The following RBM4 variants were observed in gnomAD, a reference collection of about 807,000 sequenced individuals.
RBM4 encodes RNA binding motif protein 4.
RBM4 carries 7 observed loss-of-function variants against 29.5 expected under a neutral mutation model. That is an observed-to-expected ratio of 0.24 (90% CI 0.14 to 0.45). The LOEUF (loss-of-function observed/expected upper bound fraction) is 0.45, where lower values mean the gene tolerates loss of function less well. RBM4 is among the 20% of genes least tolerant of loss of function. The pLI is 1.00. For synonymous variants in RBM4, 220 were observed against 205.4 expected, an observed-to-expected ratio of 1.07 and a Z score of -0.61; for missense variants, 387 against 502.3, an observed-to-expected ratio of 0.77 and a Z score of 2.19.
chr11:66,660,766 G>T (rs1251596349), intron 2 of RBM4, among the ~76,000 whole-genome samples: 2 of 151,486 alleles, frequency 1.3e-5, no homozygotes, highest in African/African-American at 2.4e-5. Context: ...CCATTCTTCT[G>T]CCTCAGCCTC....
Position 66,646,358 on chromosome 11 carries a change from G to C in RBM4, c.*340G>C. 8.2e-7 allele frequency: 1 copy of C among 1,226,644 alleles called. No homozygotes were observed. Among genetic ancestry groups the C allele is most frequent in the South Asian group, 2.4e-5 (1 of 41,222 alleles). The allele number at this position is 1,226,644 out of a possible 1,614,324, so 76.0% of individuals were successfully genotyped here. On this transcript the variant is annotated 3_prime_UTR_variant, in exon 4 of 4. Transcript: ENST00000310092. ...TCCTGCGGCTGTTGGATTTGGGAAT[G>C]ACCTTGGTGAGAGTCTCACTGCTCC...
downstream of RBM4, among the ~76,000 whole-genome samples, chr11:66,648,699 G>A (rs963166651): frequency 6.6e-6 from 1 of 151,864 alleles, no homozygotes; most frequent in Non-Finnish European, 1.5e-5. Flanking sequence ...CTTAATTGTG[G>A]CTATTTGGGA....
At chr11:66,650,326 T>C (rs769298138), downstream of RBM4, among the ~76,000 whole-genome samples, 50 of 152,164 alleles carry the variant, frequency 3.3e-4, no homozygotes, top group Non-Finnish European at 6.3e-4. Flanking sequence ...TCCCAGCACT[T>C]TGGGAGGCCA....
chr11:66,645,647 T>A (rs976957753), intron 3 of RBM4, among the ~76,000 whole-genome samples: 12 of 152,192 alleles, frequency 7.9e-5, no homozygotes, highest in African/African-American at 2.7e-4. Flanking sequence ...TTAATTTTTT[T>A]TTTTTAAACC....
rs922247997 is a variant in RBM4, at chr11:66,646,115, T to C, written c.*97T>C. On this transcript the variant is annotated 3_prime_UTR_variant, in exon 4 of 4. Transcript: ENST00000310092. ...ACCCCATCTCCGGGACGTTCTCGGCTCTGTGCGTTCAGTCCCTCAGGAACC... is the reference window on the plus strand; with the variant it reads ...ACCCCATCTCCGGGACGTTCTCGGCCCTGTGCGTTCAGTCCCTCAGGAACC... 6 of 1,534,750 alleles carry C rather than the reference T, an allele frequency of 3.9e-6. No homozygotes were observed. In the African/African-American group the frequency reaches 8.2e-5, roughly 21 times the overall value.
At chr11:66,646,961 G>A (rs977804347), downstream of RBM4, among the ~76,000 whole-genome samples, 2 of 152,162 alleles carry the variant, frequency 1.3e-5, no homozygotes, top group Admixed American at 1.3e-4. Flanking sequence ...TATTTGTTTA[G>A]CTCTGCCAAA....
chr11:66,644,684 C>A, intron 3 of RBM4: 1 of 984,404 alleles, frequency 1.0e-6, no homozygotes, highest in Non-Finnish European at 1.2e-6. Flanking sequence ...AATCTTGAAG[C>A]GTATTTCTGA....
chr11:66,638,892 C>G (rs1026972950), intron 1 of RBM4, 140 bp downstream of exon 1: 1 of 152,364 alleles, frequency 6.6e-6, no homozygotes, highest in African/African-American at 2.4e-5. Context: ...CGGCATTGCG[C>G]GGTAAGCCGG....
chr11:66,644,079 G>A lies in RBM4; in HGVS notation c.1042G>A (p.Ala348Thr), dbSNP rs201500941. The change falls in exon 3 of 4, where the codon GCC (alanine) becomes ACC (threonine). Residue 348 changes from alanine to threonine, a missense_variant. By Grantham distance (58) the Ala-to-Thr change is moderately conservative. Coordinates refer to ENST00000310092, the MANE Select transcript of RBM4 (RefSeq NM_002896.4). Reference sequence around the variant, plus strand: ...CGCGCGGAATTCTCTGTACGACATGGCCCGGTATGAGCGGGAGCAGTATGC... The same window carrying A: ...CGCGCGGAATTCTCTGTACGACATGACCCGGTATGAGCGGGAGCAGTATGC... ...AAARNSLYDM[A>T]RYEREQYADR... The A allele has an allele frequency of 2.0e-5, 32 of 1,614,086 alleles. No homozygotes were observed. The highest frequency in any genetic ancestry group is 2.6e-5 in the Non-Finnish European group (31 of 1,180,024).
chr11:66,643,629 C>G lies in RBM4; in HGVS notation c.592C>G (p.Arg198Gly). 2 of 1,614,156 alleles carry G rather than the reference C, an allele frequency of 1.2e-6. No homozygotes were observed. The highest frequency in any genetic ancestry group is 1.1e-5 in the South Asian group (1 of 91,086). The change falls in exon 3 of 4, where the codon CGT becomes GGT. Residue 198 changes from arginine (R) to glycine (G), a missense_variant. By Grantham distance (125) the Arg-to-Gly change is moderately radical (BLOSUM62 -2). Coordinates refer to ENST00000310092, the MANE Select transcript of RBM4 (RefSeq NM_002896.4). The surrounding 1 kb of genome is among the most constrained non-coding windows in gnomAD (Gnocchi z 6.1). Reference sequence around the variant, plus strand: ...ATATAATGAGCAATACGGAGCAGTGCGTACGCCTTACACCATGAGCTATGG... The same window carrying G: ...ATATAATGAGCAATACGGAGCAGTGGGTACGCCTTACACCATGAGCTATGG... ...EQYNEQYGAV[R>G]TPYTMSYGDS...
At chr11:66,659,633 C>A (rs893254843) in intron 2 of RBM4, among the ~76,000 whole-genome samples, 1 of 152,094 alleles carries the variant, frequency 6.6e-6, no homozygotes, top group African/African-American at 2.4e-5. Flanking sequence ...TCCTGAGACT[C>A]CCCACTCTAA....
rs769423058 is a variant in RBM4, at chr11:66,639,681, T to G, written c.-12-19T>G. 1.2e-6 allele frequency: 2 copies of G among 1,605,996 alleles called. No individual in the cohort carries two copies. The highest frequency in any genetic ancestry group is 1.7e-6 in the Non-Finnish European group (2 of 1,174,398). ...TGGGCCTGAGGTCTTTTGTCAGATG[T>G]CTTGTTTTTCTCTCCCAGGCTCTTG... On this transcript the variant is annotated intron_variant, in intron 1 of 3. Transcript: ENST00000310092.
Position 66,660,183 on chromosome 11 carries a change from G to C in RBM4, c.413-5673G>C, listed in dbSNP as rs534677715. ...AGGGACCTTTCTCTTTACTGCTTTA[G>C]AGCTAACTTAACTTCAGGTCTTAGC... On this transcript the variant is annotated intron_variant, in intron 2 of 2. Coordinates refer to the RBM4 transcript ENST00000396053. Among the ~76,000 whole-genome samples the C allele has an allele frequency of 5.0e-5, 7 of 140,484 alleles. No individual in the cohort carries two copies. The South Asian group carries it at 1.7e-3, about 33-fold the overall frequency. 92.2% of individuals were successfully genotyped at this position (140,484 alleles called of 152,430 possible). A position where few individuals can be genotyped will look rare whatever the true frequency, so the allele number is the denominator to read the frequency against.
At chr11:66,660,456 A>G (rs1014544592) in intron 2 of RBM4, among the ~76,000 whole-genome samples, 1 of 145,982 alleles carries the variant, frequency 6.9e-6, no homozygotes, top group Non-Finnish European at 1.5e-5. Flanking sequence ...GGTTCAAGTG[A>G]TTCTCCTACT....
chr11:66,647,056 A>G (rs114696055), downstream of RBM4, among the ~76,000 whole-genome samples: 404 of 152,334 alleles, frequency 2.7e-3, 1 homozygote, highest in African/African-American at 8.9e-3. Flanking sequence ...GAAATGACCC[A>G]ACATATGAGG....
chr11:66,658,945 A>AT (rs1554970952), intron 2 of RBM4, among the ~76,000 whole-genome samples: 7 of 146,942 alleles, frequency 4.8e-5, no homozygotes, highest in South Asian at 4.2e-4. Flanking sequence ...TCAAAAAAAA[A>AT]AAATATATAT....
chr11:66,651,122 C>T (rs1482870304), downstream of RBM4, among the ~76,000 whole-genome samples: 2 of 150,806 alleles, frequency 1.3e-5, no homozygotes, highest in Non-Finnish European at 3.0e-5. Flanking sequence ...AAAGTAGACT[C>T]GGGGGGGGAT....
intron 2 of RBM4, among the ~76,000 whole-genome samples, chr11:66,659,305 C>G (rs1267449502): frequency 8.4e-6 from 1 of 119,024 alleles, no homozygotes; most frequent in Non-Finnish European, 1.6e-5. Context: ...GAGTCTCACT[C>G]TGTTGCCCAG....
downstream of RBM4, chr11:66,646,602 G>C (rs1938700933): frequency 3.1e-6 from 3 of 961,946 alleles, no homozygotes; most frequent in South Asian, 9.6e-5. Context: ...TTTATTGTAA[G>C]TAGGACTTGT....
Sources: allele counts gnomAD v4.1 joint callset (sites outside exome capture counted in the v4.1 genomes callset), GRCh38; gene constraint gnomAD v4.1.1; non-coding constraint Gnocchi (gnomAD v3.1); transcripts MANE v1.5; gene names NCBI Gene and HGNC (gene_info 2026-07-23, HGNC 2026-07-21).